SAXO2: variants seen among roughly 807,000 people sequenced by gnomAD.
SAXO2 encodes stabilizer of axonemal microtubules 2.
Under a neutral mutation model 18.7 loss-of-function variants are expected in SAXO2, and 17 were observed. The ratio of observed to expected loss-of-function variants is 0.91; its 90% CI spans 0.62 to 1.36. SAXO2 has a LOEUF of 1.36. Among genes scored for constraint, SAXO2 ranks in the 40% most tolerant of loss-of-function variants. The probability of loss-of-function intolerance (pLI) is 0.00; values close to 1 mark genes in which losing one functional copy is unlikely to be tolerated. For synonymous variants in SAXO2, 163 were observed against 181.2 expected, an observed-to-expected ratio of 0.90 and a Z score of 0.81; for missense variants, 486 against 562.6, an observed-to-expected ratio of 0.86 and a Z score of 1.38.
At chr15:82,274,284 AAAGG>A (rs1465957740) in intron 3 of SAXO2, among the ~76,000 whole-genome samples, 1 of 152,044 alleles carries the variant, frequency 6.6e-6, no homozygotes, top group African/African-American at 2.4e-5. Flanking sequence ...CTTAGTCAAC[AAAGG>A]TGATATTTTG....
rs565945889 is a variant in SAXO2, at chr15:82,267,133, G to A, written c.233+1385G>A. On this transcript the variant is annotated intron_variant, in intron 2 of 3. Coordinates refer to ENST00000682753, the MANE Select transcript of SAXO2 (RefSeq NM_001348699.2). ...AGAAAGTTTATTTTGCCAAGGTTGA[G>A]GGTGCATGCCAGTGACACAGCCTCA... Among the ~76,000 whole-genome samples, 9 of 152,292 alleles carry A rather than the reference G, an allele frequency of 5.9e-5. No individual in the cohort carries two copies. The South Asian group carries it at 1.7e-3, about 28-fold the overall frequency.
At chr15:82,273,345 G>A (rs2141370932) in intron 3 of SAXO2, among the ~76,000 whole-genome samples, 1 of 152,216 alleles carries the variant, frequency 6.6e-6, no homozygotes, top group African/African-American at 2.4e-5. Context: ...GAATGGATAT[G>A]TCCTAATATA....
Position 82,283,002 on chromosome 15 carries a change from T to G in SAXO2, c.1317T>G (p.Asn439Lys), listed in dbSNP as rs1567096486. ...YPSPPGYIFD[N>K]TNSQGHKFFR... is the part of the protein sequence containing the mutation. ...CTCCTCCAGGTTATATTTTCGACAA[T>G]ACAAATTCCCAAGGTCATAAATTCT... Residue 439 changes from asparagine (N) to lysine (K), a missense_variant, in exon 4 of 4, where the codon AAT (asparagine) becomes AAG (lysine). Asn to Lys is a moderately conservative substitution (Grantham distance 94). Coordinates refer to ENST00000682753, the MANE Select transcript of SAXO2 (RefSeq NM_001348699.2). 1 of 1,613,874 alleles carries G rather than the reference T, an allele frequency of 6.2e-7. No individual in the cohort carries two copies. Among genetic ancestry groups the G allele is most frequent in the South Asian group, 1.1e-5 (1 of 91,010 alleles).
At chr15:82,272,836 C>T (rs923991308) in intron 3 of SAXO2, among the ~76,000 whole-genome samples, 2 of 151,756 alleles carry the variant, frequency 1.3e-5, no homozygotes, top group African/African-American at 2.4e-5. Context: ...AGCCACCACG[C>T]GTGGCCCAAA....
Position 82,271,596 on chromosome 15 carries a change from AT to A in SAXO2, c.234-4del. Reference sequence around the variant, plus strand: ...GTGAGGCTATGTTTCAAATTTATATATTTCAGGTCGGATTATTGTCCTTATG... The same window carrying A: ...GTGAGGCTATGTTTCAAATTTATATATTCAGGTCGGATTATTGTCCTTATG... On this transcript the variant is annotated splice_polypyrimidine_tract_variant and splice_region_variant and intron_variant, in intron 2 of 3. Coordinates refer to ENST00000682753, the MANE Select transcript of SAXO2 (RefSeq NM_001348699.2). 1 of 1,592,698 alleles carries A rather than the reference AT, an allele frequency of 6.3e-7. No individual in the cohort carries two copies. Among genetic ancestry groups the A allele is most frequent in the Non-Finnish European group, 8.5e-7 (1 of 1,172,008 alleles).
In SAXO2 at chr15:82,271,660, T is replaced by A. The variant is rs751103470; in HGVS notation, c.291T>A (p.Tyr97Ter). Residue 97 changes from tyrosine to a stop codon, truncating the protein, a stop_gained, in exon 3 of 4, where the codon TAT becomes TAA. Transcript: ENST00000682753. LOFTEE classifies it high-confidence loss of function. Reference protein sequence around the residue: ...VKQPRHVPEEYKPKQGKIDLG... With the variant: ...VKQPRHVPEE ...AGCCTCGCCATGTGCCAGAAGAATA[T>A]AAACCAAAACAAGGGAAGATTGATC... The A allele has an allele frequency of 1.2e-6, 2 of 1,613,892 alleles. No homozygotes were observed. Among genetic ancestry groups the A allele is most frequent in the East Asian group, 4.5e-5 (2 of 44,886 alleles).
At chr15:82,269,207 A>G (rs1175716914) in intron 2 of SAXO2, among the ~76,000 whole-genome samples, 1 of 152,200 alleles carries the variant, frequency 6.6e-6, no homozygotes, top group African/African-American at 2.4e-5. Context: ...ACATTACTCA[A>G]AATAACTCTA....
chr15:82,281,000 A>G (rs2075357997), intron 3 of SAXO2, among the ~76,000 whole-genome samples: 1 of 152,196 alleles, frequency 6.6e-6, no homozygotes, highest in Non-Finnish European at 1.5e-5. Flanking sequence ...TTTCTCTTCA[A>G]AGAAGATATC....
At chr15:82,271,318 ATAT>A (rs1263298125) in intron 2 of SAXO2, among the ~76,000 whole-genome samples, 1 of 152,220 alleles carries the variant, frequency 6.6e-6, no homozygotes, top group Non-Finnish European at 1.5e-5. Context: ...TTACTTGAGG[ATAT>A]TATTTACTGA....
chr15:82,270,337 C>G (rs184969506), intron 2 of SAXO2, among the ~76,000 whole-genome samples: 1 of 152,166 alleles, frequency 6.6e-6, no homozygotes, highest in African/African-American at 2.4e-5. Context: ...GAGAAAGTTT[C>G]CTAGAAACAG....
intron 3 of SAXO2, among the ~76,000 whole-genome samples, chr15:82,276,522 G>A (rs1438857703): frequency 2.0e-5 from 3 of 152,066 alleles, no homozygotes; most frequent in Non-Finnish European, 4.4e-5. Flanking sequence ...TAGACCAATG[G>A]AACAGAATGG....
At chr15:82,277,064 A>C (rs949753931) in intron 3 of SAXO2, among the ~76,000 whole-genome samples, 1 of 152,236 alleles carries the variant, frequency 6.6e-6, no homozygotes, top group African/African-American at 2.4e-5. Flanking sequence ...TCCATGCTAG[A>C]AGTGGTAAAA....
At position 82,272,502 on chromosome 15, in the gene SAXO2, T is replaced by C. The variant is rs117679702; in HGVS notation, c.433+700T>C. Among the ~76,000 whole-genome samples the C allele has an allele frequency of 6.5e-3, 997 of 152,318 alleles. 3 individuals are homozygous for C. Among genetic ancestry groups the C allele is most frequent in the Non-Finnish European group, 9.1e-3 (621 of 68,020 alleles). On this transcript the variant is annotated intron_variant, in intron 3 of 3. Coordinates refer to ENST00000682753, the MANE Select transcript of SAXO2 (RefSeq NM_001348699.2). ...AGAGGAGTACAAGTTGGGCCATGTA[T>C]GCTTTTCTTTCCAAAAACCTGTTTT...
rs754486898 is a variant in SAXO2 at position 82,263,396 on chromosome 15, G to T, written c.53+464G>T. The T allele has an allele frequency of 6.2e-5, 45 of 723,296 alleles. No homozygotes were observed. In the African/African-American group the frequency reaches 6.6e-4, roughly 11 times the overall value. 44.8% of individuals were successfully genotyped at this position (723,296 alleles called of 1,614,324 possible). A position where few individuals can be genotyped will look rare whatever the true frequency, so the allele number is the denominator to read the frequency against. On this transcript the variant is annotated intron_variant, in intron 1 of 3. Transcript: ENST00000682753. ...CCAGCCAGACCATATTCCCATTCCCGTCCAGGCAGCAGTTCTTTGGGATCC... is the reference window on the plus strand; with the variant it reads ...CCAGCCAGACCATATTCCCATTCCCTTCCAGGCAGCAGTTCTTTGGGATCC...
chr15:82,271,651 A>C lies in SAXO2; in HGVS notation c.282A>C (p.Pro94=). The C allele has an allele frequency of 6.2e-7, 1 of 1,614,038 alleles. No homozygotes were observed. The highest frequency in any genetic ancestry group is 8.5e-7 in the Non-Finnish European group (1 of 1,179,884). The part of the protein sequence containing the change: ...YEIVKQPRHV[P]EEYKPKQGKI... ...TAGTTAAACAGCCTCGCCATGTGCCAGAAGAATATAAACCAAAACAAGGGA... is the reference window on the plus strand; with the variant it reads ...TAGTTAAACAGCCTCGCCATGTGCCCGAAGAATATAAACCAAAACAAGGGA... Residue 94 remains proline (P), a synonymous_variant, in exon 3 of 4, where the codon CCA becomes CCC. Coordinates refer to ENST00000682753, the MANE Select transcript of SAXO2 (RefSeq NM_001348699.2).
Position 82,283,219 on chromosome 15 carries a change from A to G in SAXO2, c.*157A>G. The G allele has an allele frequency of 2.1e-6, 1 of 479,688 alleles. No homozygotes were observed. Among genetic ancestry groups the G allele is most frequent in the Non-Finnish European group, 3.4e-6 (1 of 295,752 alleles). The allele number at this position is 479,688 out of a possible 1,614,324, so 29.7% of individuals were successfully genotyped here. ...ATATATTATAAGAAATCAGAATCTT[A>G]AAACCATTTTTTATTGATATTTTAA... On this transcript the variant is annotated 3_prime_UTR_variant, in exon 4 of 4. Transcript: ENST00000682753.
Position 82,263,380 on chromosome 15 carries a change from C to T in SAXO2, c.53+448C>T. The stretch of plus-strand genomic sequence containing the variant: ...GTAGCTTTCTGTCCTCCCAGCCAGA[C>T]CATATTCCCATTCCCGTCCAGGCAG... On this transcript the variant is annotated intron_variant, in intron 1 of 3. Transcript: ENST00000682753. 4 of 742,020 alleles carry T rather than the reference C, an allele frequency of 5.4e-6. No individual in the cohort carries two copies. The East Asian group carries it at 1.1e-4, about 20-fold the overall frequency. 46.0% of individuals were successfully genotyped at this position (742,020 alleles called of 1,614,324 possible).
At chr15:82,268,478 C>T (rs4296215) in intron 2 of SAXO2, among the ~76,000 whole-genome samples, 26,332 of 152,176 alleles carry the variant, frequency 0.17, 2,478 homozygotes, top group South Asian at 0.39. Flanking sequence ...AGTAAGACAT[C>T]GGATCTTTTC....
Position 82,283,865 on chromosome 15 carries a change from T to A in SAXO2, c.*803T>A, listed in dbSNP as rs1252688653. ...AACATACTTTGTAGAGACAGGTTCT[T>A]GCTGTATTAGTCAGGCTGTTCAATC... On this transcript the variant is annotated 3_prime_UTR_variant, in exon 4 of 4. Transcript: ENST00000682753. 2 of 152,298 alleles carry A rather than the reference T, an allele frequency of 1.3e-5. No homozygotes were observed. Among genetic ancestry groups the A allele is most frequent in the East Asian group, 1.9e-4 (1 of 5,176 alleles). The allele number at this position is 152,298 out of a possible 1,614,324, so 9.4% of individuals were successfully genotyped here. A position where few individuals can be genotyped will look rare whatever the true frequency, so the allele number is the denominator to read the frequency against.
Sources: allele counts gnomAD v4.1 joint callset (sites outside exome capture counted in the v4.1 genomes callset), GRCh38; gene constraint gnomAD v4.1.1; transcripts MANE v1.5; gene names NCBI Gene and HGNC (gene_info 2026-07-23, HGNC 2026-07-21).